FHIT: variants seen among roughly 807,000 people sequenced by gnomAD.
FHIT encodes bis(5'-adenosyl)-triphosphatase.
In FHIT, 19 loss-of-function variants were observed where a neutral mutation model predicts 17.9. That is an observed-to-expected ratio of 1.06 (90% CI 0.74 to 1.56). The LOEUF (loss-of-function observed/expected upper bound fraction) is 1.56. Ranked by LOEUF, FHIT falls within the 40% of genes most tolerant of loss-of-function variation. The probability of loss-of-function intolerance (pLI) is 0.00; values close to 1 mark genes in which losing one functional copy is unlikely to be tolerated. For synonymous variants in FHIT, 81 were observed against 69.7 expected (o/e 1.16, Z -0.81); for missense variants, 248 against 189.2 (o/e 1.31, Z -1.82).
chr3:61,116,057 T>C (rs1214234334), intron 2 of FHIT, among the ~76,000 whole-genome samples: 1 of 151,928 alleles, frequency 6.6e-6, no homozygotes, highest in Non-Finnish European at 1.5e-5. Context: ...CTGAGGAAAA[T>C]CCTGGAATTT....
intron 3 of FHIT, among the ~76,000 whole-genome samples, chr3:60,863,759 C>G (rs1370933649): frequency 6.6e-6 from 1 of 151,986 alleles, no homozygotes. Flanking sequence ...CATGTACATT[C>G]AACAATAATG....
At chr3:60,171,440 C>A (rs1305995301) in intron 5 of FHIT, among the ~76,000 whole-genome samples, 1 of 152,112 alleles carries the variant, frequency 6.6e-6, no homozygotes, top group African/African-American at 2.4e-5. Flanking sequence ...CCTATCAAAG[C>A]AAACCTCTCT....
intron 5 of FHIT, among the ~76,000 whole-genome samples, chr3:60,060,910 C>G (rs751471679): frequency 1.3e-5 from 2 of 152,176 alleles, no homozygotes; most frequent in Non-Finnish European, 2.9e-5. Flanking sequence ...ACTTTTCAAA[C>G]TGCAAATGAA....
At chr3:59,757,385 A>G (rs540059062) in intron 8 of FHIT, among the ~76,000 whole-genome samples, 1 of 152,290 alleles carries the variant, frequency 6.6e-6, no homozygotes, top group South Asian at 2.1e-4. Flanking sequence ...TGGGGAAGGT[A>G]GTGTTAACAG....
intron 4 of FHIT, among the ~76,000 whole-genome samples, chr3:60,793,002 T>C (rs1043346290): frequency 1.3e-5 from 2 of 152,120 alleles, no homozygotes; most frequent in African/African-American, 4.8e-5. Flanking sequence ...GGTATCCTTT[T>C]ACTGAAACTA....
chr3:60,036,371 ACTCT>A lies in FHIT; in HGVS notation c.104-22223_104-22220del, dbSNP rs755438979. ...TATTTTACCTCATAAGACTCTCATG[ACTCT>A]CTGAGAACCGTGTCTCTATTGGAAT... is the stretch of plus-strand genomic sequence containing the variant. On this transcript the variant is annotated intron_variant, in intron 5 of 9. Coordinates refer to ENST00000492590, the MANE Select transcript of FHIT (RefSeq NM_002012.4). Among the ~76,000 whole-genome samples the A allele has an allele frequency of 1.5e-4, 23 of 152,140 alleles. No individual in the cohort carries two copies. The South Asian group carries it at 4.8e-3, about 32-fold the overall frequency.
At chr3:60,799,630 A>G (rs1701114852) in intron 4 of FHIT, among the ~76,000 whole-genome samples, 1 of 152,194 alleles carries the variant, frequency 6.6e-6, no homozygotes, top group Non-Finnish European at 1.5e-5. Flanking sequence ...ACCTTTGCAC[A>G]TGCAATCATC....
intron 5 of FHIT, among the ~76,000 whole-genome samples, chr3:60,198,264 G>A (rs1702736606): frequency 6.6e-6 from 1 of 152,064 alleles, no homozygotes; most frequent in Admixed American, 6.6e-5. Flanking sequence ...CATATGCTCA[G>A]TCACAAATGG....
At chr3:60,912,863 G>C (rs910345061) in intron 3 of FHIT, 5 of 479,436 alleles carry the variant, frequency 1.0e-5, no homozygotes, top group African/African-American at 2.0e-5. Flanking sequence ...TCACCCCTTT[G>C]AGTCACTCAT....
intron 4 of FHIT, among the ~76,000 whole-genome samples, chr3:60,785,386 T>A (rs1338569289): frequency 6.6e-6 from 1 of 151,982 alleles, no homozygotes; most frequent in African/African-American, 2.4e-5. Flanking sequence ...CCGGTGGAAG[T>A]CCATGGGCCC....
intron 3 of FHIT, among the ~76,000 whole-genome samples, chr3:60,955,611 T>TATATATAC (rs1559862282): frequency 1.2e-4 from 2 of 16,890 alleles, no homozygotes; most frequent in African/African-American, 2.5e-4. Context: ...TATATATATA[T>TATATATAC]ATATATATAT....
At chr3:60,376,870 G>C (rs936249386) in intron 5 of FHIT, among the ~76,000 whole-genome samples, 1 of 152,168 alleles carries the variant, frequency 6.6e-6, no homozygotes, top group African/African-American at 2.4e-5. Context: ...TGGTGGCATA[G>C]AGAAGTGGAC....
chr3:60,455,378 G>T (rs751763284), intron 5 of FHIT, among the ~76,000 whole-genome samples: 1 of 151,990 alleles, frequency 6.6e-6, no homozygotes, highest in South Asian at 2.1e-4. Flanking sequence ...GCAATCTTAC[G>T]GCCATTTACA....
chr3:60,364,535 C>T (rs1335627403), intron 5 of FHIT, among the ~76,000 whole-genome samples: 2 of 152,180 alleles, frequency 1.3e-5, no homozygotes, highest in African/African-American at 2.4e-5. Context: ...GAATATATTG[C>T]TGTTACATAT....
chr3:60,916,907 A>G (rs1707033910), intron 3 of FHIT, among the ~76,000 whole-genome samples: 2 of 152,312 alleles, frequency 1.3e-5, no homozygotes, highest in South Asian at 4.1e-4. Flanking sequence ...GAATCGCATA[A>G]AAAAATCCAT....
intron 4 of FHIT, among the ~76,000 whole-genome samples, chr3:60,687,975 T>C (rs1038958013): frequency 1.3e-5 from 2 of 152,194 alleles, no homozygotes; most frequent in Non-Finnish European, 2.9e-5. Flanking sequence ...ATTACTTTTT[T>C]TTTTAATTTC....
chr3:60,691,134 T>A (rs2040979640), intron 4 of FHIT, among the ~76,000 whole-genome samples: 1 of 147,846 alleles, frequency 6.8e-6, no homozygotes, highest in Non-Finnish European at 1.5e-5. Context: ...GGTATCGGGT[T>A]TTGTTTTTGT....
chr3:60,661,397 G>T (rs1442358165), intron 4 of FHIT, among the ~76,000 whole-genome samples: 1 of 151,772 alleles, frequency 6.6e-6, no homozygotes, highest in East Asian at 1.9e-4. Flanking sequence ...TCTTTTTTAC[G>T]GCTGAATAGT....
intron 2 of FHIT, among the ~76,000 whole-genome samples, chr3:61,141,088 A>C (rs150540417): frequency 6.6e-6 from 1 of 152,190 alleles, no homozygotes; most frequent in East Asian, 1.9e-4. Flanking sequence ...CACTTGGCAC[A>C]GTCATCTGAT....
Sources: allele counts gnomAD v4.1 joint callset (sites outside exome capture counted in the v4.1 genomes callset), GRCh38; gene constraint gnomAD v4.1.1; transcripts MANE v1.5; gene names NCBI Gene and HGNC (gene_info 2026-07-23, HGNC 2026-07-21).